The following CDH23 variants were observed in gnomAD, a reference collection of about 807,000 sequenced individuals.
The protein encoded by CDH23 is cadherin-23.
A neutral mutation model predicts 317.1 loss-of-function variants in CDH23; 189 were observed. The ratio of observed to expected loss-of-function variants is 0.60; its 90% confidence interval spans 0.53 to 0.67. The LOEUF (loss-of-function observed/expected upper bound fraction) is 0.67, where lower values mean the gene tolerates loss of function less well. Among genes scored for constraint, CDH23 ranks in the 30% least tolerant of loss-of-function variants. The pLI is 0.00. For synonymous variants in CDH23, 1,839 were observed against 1,876.8 expected (o/e 0.98, Z 0.52); for missense variants, 4,401 against 4,592.4 (o/e 0.96, Z 1.20).
chr10:71,565,513 G>T (rs772854762), intron 6 of CDH23, among the ~76,000 whole-genome samples: 14 of 152,182 alleles, frequency 9.2e-5, no homozygotes, highest in Non-Finnish European at 1.9e-4. Flanking sequence ...TTGGGGAAAG[G>T]CAGAACTGGG....
At chr10:71,484,828 A>G (rs1026254955) in intron 3 of CDH23, among the ~76,000 whole-genome samples, 14 of 152,054 alleles carry the variant, frequency 9.2e-5, no homozygotes, top group Non-Finnish European at 1.8e-4. Context: ...TTTTATTACA[A>G]ATAGGTGTTG....
chr10:71,519,168 A>C (rs529218378), intron 6 of CDH23, among the ~76,000 whole-genome samples: 1 of 152,096 alleles, frequency 6.6e-6, no homozygotes, highest in East Asian at 1.9e-4. Context: ...AAGCAGGGGG[A>C]CTGTGCAGAG....
chr10:71,643,894 T>C lies in CDH23; in HGVS notation c.1140+28T>C, dbSNP rs776889648. On this transcript the variant is annotated intron_variant, in intron 12 of 69. Transcript: ENST00000224721. ...AAGTGAGCCTCTGAAGGGCAGGGGTTGGGCTTGGGGAGGGCTTGTGGTGGG... is the reference window on the plus strand; with the variant it reads ...AAGTGAGCCTCTGAAGGGCAGGGGTCGGGCTTGGGGAGGGCTTGTGGTGGG... 4 of 765,906 alleles carry C rather than the reference T, an allele frequency of 5.2e-6. No individual in the cohort carries two copies. The East Asian group carries it at 7.3e-5, about 14-fold the overall frequency. 47.4% of individuals were successfully genotyped at this position (765,906 alleles called of 1,614,324 possible). A position where few individuals can be genotyped will look rare whatever the true frequency, so the allele number is the denominator to read the frequency against.
chr10:71,470,810 A>T (rs752598040), intron 3 of CDH23, among the ~76,000 whole-genome samples: 1 of 152,122 alleles, frequency 6.6e-6, no homozygotes, highest in South Asian at 2.1e-4. Context: ...TATTTTAGCC[A>T]TTCTAATACT....
chr10:71,460,116 T>C (rs1850904246), intron 3 of CDH23, among the ~76,000 whole-genome samples: 1 of 152,204 alleles, frequency 6.6e-6, no homozygotes, highest in African/African-American at 2.4e-5. Flanking sequence ...CTCATAGGCA[T>C]TAAGCTGCTG....
intron 3 of CDH23, among the ~76,000 whole-genome samples, chr10:71,486,683 C>T (rs1311803708): frequency 1.3e-5 from 2 of 152,138 alleles, no homozygotes; most frequent in South Asian, 2.1e-4. Flanking sequence ...CAGTAGGGGG[C>T]GCAGCTGGAC....
rs769992179 is a variant in CDH23 at position 71,679,444 on chromosome 10, T to C, written c.1810T>C (p.Ser604Pro). Residue 604 changes from serine (S) to proline (P), a missense_variant, in exon 17 of 70, where the codon TCT becomes CCT. Around this residue, in one of 3 missense-constraint regions of CDH23, gnomAD observed 3,068 missense variants for 3,203.3 expected, o/e 0.96. Coordinates refer to ENST00000224721, the MANE Select transcript of CDH23 (RefSeq NM_022124.6). ...GATCACCTACAGCATTGTCAGTGCA[T>C]CTGCCTTTGGCAGCTACTTCGACAT... is the stretch of plus-strand genomic sequence containing the variant. Reference protein sequence around the residue: ...NQITYSIVSASAFGSYFDISL... With the variant: ...NQITYSIVSAPAFGSYFDISL... 1 of 1,613,612 alleles carries C rather than the reference T, an allele frequency of 6.2e-7. No homozygotes were observed. Among genetic ancestry groups the C allele is most frequent in the Non-Finnish European group, 8.5e-7 (1 of 1,179,740 alleles).
At chr10:71,592,435 A>G (rs1344320134) in intron 9 of CDH23, among the ~76,000 whole-genome samples, 1 of 152,218 alleles carries the variant, frequency 6.6e-6, no homozygotes, top group African/African-American at 2.4e-5. Context: ...ATGGGGTTAA[A>G]ATCAAGGTGT....
At chr10:71,659,141 A>G (rs545688950) in intron 14 of CDH23, among the ~76,000 whole-genome samples, 16 of 152,260 alleles carry the variant, frequency 1.1e-4, no homozygotes, top group Admixed American at 9.8e-4. Flanking sequence ...TGCTCAGACA[A>G]TCACTCAGAG....
At chr10:71,710,964 T>C (rs1403461081) in intron 27 of CDH23, among the ~76,000 whole-genome samples, 1 of 152,078 alleles carries the variant, frequency 6.6e-6, no homozygotes, top group Non-Finnish European at 1.5e-5. Context: ...AAGAGTGGTA[T>C]GATGAGACCT....
intron 38 of CDH23, chr10:71,753,762 T>A (rs1418162539): frequency 4.4e-6 from 2 of 456,292 alleles, no homozygotes; most frequent in Middle Eastern, 3.3e-4. Flanking sequence ...CTGATTACGA[T>A]GGGGAAACAG....
intron 11 of CDH23, among the ~76,000 whole-genome samples, chr10:71,639,803 G>A (rs140701295): frequency 3.9e-5 from 6 of 152,322 alleles, no homozygotes; most frequent in African/African-American, 1.4e-4. Context: ...ACTGCGATCA[G>A]TAGGGGTTTT....
At chr10:71,520,556 C>T (rs1854612940) in intron 6 of CDH23, among the ~76,000 whole-genome samples, 1 of 152,188 alleles carries the variant, frequency 6.6e-6, no homozygotes, top group Non-Finnish European at 1.5e-5. Context: ...GGAGCTCAGC[C>T]CTGGGCCAGA....
intron 47 of CDH23, among the ~76,000 whole-genome samples, chr10:71,791,739 C>A (rs1030901197): frequency 2.0e-5 from 3 of 151,996 alleles, no homozygotes; most frequent in African/African-American, 7.2e-5. Context: ...CCACACCCAG[C>A]TAATTTTTGT....
intron 3 of CDH23, among the ~76,000 whole-genome samples, chr10:71,471,487 C>T (rs1851505692): frequency 1.3e-5 from 2 of 152,100 alleles, no homozygotes; most frequent in Non-Finnish European, 2.9e-5. Flanking sequence ...CCTTTATGTG[C>T]TCTCTGTGGT....
chr10:71,572,635 AC>A (rs1443419175), intron 8 of CDH23, among the ~76,000 whole-genome samples: 4 of 151,924 alleles, frequency 2.6e-5, no homozygotes, highest in African/African-American at 9.7e-5. Flanking sequence ...CCCAAAGTCC[AC>A]CCACCCATTT....
At chr10:71,733,612 T>C (rs927184556) in intron 32 of CDH23, among the ~76,000 whole-genome samples, 2 of 152,178 alleles carry the variant, frequency 1.3e-5, no homozygotes, top group Non-Finnish European at 2.9e-5. Context: ...ATTTCTTATA[T>C]CACAATGTCA....
chr10:71,694,078 T>C (rs1488159991), intron 20 of CDH23, 69 bp from the exon 21 acceptor site: 2 of 1,208,534 alleles, frequency 1.7e-6, no homozygotes, highest in East Asian at 2.4e-5. Flanking sequence ...CCTCGCTCTC[T>C]CTCTTCTTCC....
At chr10:71,796,683 G>A (rs1040296366) in intron 48 of CDH23, among the ~76,000 whole-genome samples, 2 of 152,196 alleles carry the variant, frequency 1.3e-5, no homozygotes, top group South Asian at 2.1e-4. Context: ...CATTGTTAAG[G>A]AATACAGCAG....
Sources: allele counts gnomAD v4.1 joint callset (sites outside exome capture counted in the v4.1 genomes callset), GRCh38; gene constraint gnomAD v4.1.1; regional missense constraint gnomAD v4.1.1; transcripts MANE v1.5; gene names NCBI Gene and HGNC (gene_info 2026-07-23, HGNC 2026-07-21).